ERMN: variants seen among roughly 807,000 people sequenced by gnomAD.
ERMN encodes the protein ermin, ERM-like protein.
Under a neutral mutation model 21.4 loss-of-function variants are expected in ERMN, and 17 were observed. That is an observed-to-expected ratio of 0.80 (90% CI 0.54 to 1.19). The LOEUF (loss-of-function observed/expected upper bound fraction) is 1.19. Among genes scored for constraint, ERMN ranks in the 50% most tolerant of loss-of-function variants. The probability of loss-of-function intolerance (pLI) is 0.00; values close to 1 mark genes in which losing one functional copy is unlikely to be tolerated. For synonymous variants in ERMN, 115 were observed against 111.9 expected, an observed-to-expected ratio of 1.03 and a Z score of -0.17; for missense variants, 348 against 331.6, an observed-to-expected ratio of 1.05 and a Z score of -0.38.
At chr2:157,324,241 C>T in intron 2 of ERMN, 1 of 229,774 alleles carries the variant, frequency 4.4e-6, no homozygotes. Context: ...CATTGCACTC[C>T]AGCCTGGGCA....
At chr2:157,324,854 T>C (rs1216696731) in intron 1 of ERMN, 92 bp from the exon 2 acceptor site, 4 of 824,842 alleles carry the variant, frequency 4.8e-6, no homozygotes, top group African/African-American at 3.5e-5. Flanking sequence ...TAGGTAGAAG[T>C]CTTTAATTTT....
At position 157,324,777 on chromosome 2, in the gene ERMN, T is replaced by A. The variant is rs758559901; in HGVS notation, c.242-15A>T. The A allele has an allele frequency of 6.5e-7, 1 of 1,542,876 alleles. No homozygotes were observed. Among genetic ancestry groups the A allele is most frequent in the African/African-American group, 1.4e-5 (1 of 72,702 alleles). ...TTCTGGGTTTTCTAGGAAAAAAATATAAAATCAGTATTTTAACATTTAAAA... is the reference window on the plus strand; with the variant it reads ...TTCTGGGTTTTCTAGGAAAAAAATAAAAAATCAGTATTTTAACATTTAAAA... On this transcript the variant is annotated splice_polypyrimidine_tract_variant and intron_variant, in intron 1 of 2. Transcript: ENST00000410096.
At chr2:157,322,250 A>G (rs201239959) in intron 2 of ERMN, among the ~76,000 whole-genome samples, 3 of 130,036 alleles carry the variant, frequency 2.3e-5, no homozygotes, top group Admixed American at 7.1e-5. Context: ...ACACACGCAC[A>G]CACACACACA....
At chr2:157,323,990 C>T (rs2105188806) in intron 2 of ERMN, 1 of 153,328 alleles carries the variant, frequency 6.5e-6, no homozygotes, top group Non-Finnish European at 1.5e-5. Context: ...TGGCTCACGC[C>T]TGTAACCCCA....
chr2:157,321,857 T>C, intron 2 of ERMN, 66 bp from the exon 3 acceptor site: 1 of 1,362,748 alleles, frequency 7.3e-7, no homozygotes, highest in Non-Finnish European at 9.9e-7. Flanking sequence ...ATTAGTCTGT[T>C]ATTCTCCAAA....
upstream of ERMN, among the ~76,000 whole-genome samples, chr2:157,326,210 ACAATGG>A (rs1345443344): frequency 9.2e-5 from 14 of 152,224 alleles, no homozygotes; most frequent in Non-Finnish European, 2.1e-4. Flanking sequence ...TTTGTAAAGG[ACAATGG>A]CATTGTTTCT....
rs762701445 is a variant in ERMN at position 157,320,238 on chromosome 2, T to A, written c.*1033A>T. On this transcript the variant is annotated 3_prime_UTR_variant, in exon 3 of 3. Transcript: ENST00000410096. The stretch of plus-strand genomic sequence containing the variant: ...GGGCTGAGGTCCAGTAAATTATATA[T>A]TCCCAACAACTATCAGAGCTCTCCC... 2 of 152,602 alleles carry A rather than the reference T, an allele frequency of 1.3e-5. No homozygotes were observed. Among genetic ancestry groups the A allele is most frequent in the African/African-American group, 2.4e-5 (1 of 41,452 alleles). The allele number at this position is 152,602 out of a possible 1,614,324, so 9.5% of individuals were successfully genotyped here. A position where few individuals can be genotyped will look rare whatever the true frequency, so the allele number is the denominator to read the frequency against.
chr2:157,326,933 C>A (rs1684081271), upstream of ERMN, among the ~76,000 whole-genome samples: 1 of 152,108 alleles, frequency 6.6e-6, no homozygotes, highest in South Asian at 2.1e-4. Flanking sequence ...GTCTGTTTCA[C>A]CAACTGCAAA....
upstream of ERMN, among the ~76,000 whole-genome samples, chr2:157,326,160 C>A (rs1684063954): frequency 6.6e-6 from 1 of 152,226 alleles, no homozygotes; most frequent in African/African-American, 2.4e-5. Context: ...ACCAGCTTAA[C>A]ATTTCCAAAC....
intron 1 of ERMN, 164 bp downstream of exon 1, chr2:157,325,238 T>C: frequency 1.0e-6 from 1 of 985,144 alleles, no homozygotes; most frequent in Non-Finnish European, 1.6e-6. Context: ...TAGACCAGCC[T>C]GGATTTCACC....
chr2:157,324,378 A>T (rs1684002877), intron 2 of ERMN: 2 of 345,094 alleles, frequency 5.8e-6, no homozygotes, highest in Admixed American at 4.9e-5. Context: ...GACACACCAA[A>T]TCAAAAAGTA....
chr2:157,326,770 A>G (rs138226265), upstream of ERMN, among the ~76,000 whole-genome samples: 49 of 152,156 alleles, frequency 3.2e-4, no homozygotes, highest in Non-Finnish European at 6.8e-4. Context: ...CAGCTTCCCT[A>G]AGTTCTGTTT....
upstream of ERMN, chr2:157,326,044 C>T (rs1310656382): frequency 1.5e-6 from 1 of 658,762 alleles, no homozygotes; most frequent in East Asian, 8.8e-5. Flanking sequence ...ATTTTTGTCC[C>T]TTTTCATAAT....
chr2:157,321,802 A>T lies in ERMN; in HGVS notation c.335-11T>A. 1 of 1,591,524 alleles carries T rather than the reference A, an allele frequency of 6.3e-7. No homozygotes were observed. Among genetic ancestry groups the T allele is most frequent in the Non-Finnish European group, 8.5e-7 (1 of 1,171,092 alleles). The stretch of plus-strand genomic sequence containing the variant: ...TCTCCCACTGATGCCCTGTAGCAAA[A>T]TCAATTGGTAGATGAGATGTGTAGA... On this transcript the variant is annotated splice_polypyrimidine_tract_variant and intron_variant, in intron 2 of 2. Transcript: ENST00000410096.
Position 157,325,575 on chromosome 2 carries a change from T to G in ERMN, c.68A>C (p.Gln23Pro). ...CNGDKPPENGQQTITKISEEL... is the reference protein window; with the variant it reads ...CNGDKPPENGPQTITKISEEL... ...CTCACTGATTTTAGTGATTGTTTGTTGACCGTTTTCAGGTGGTTTATCCCC... is the reference window on the plus strand; with the variant it reads ...CTCACTGATTTTAGTGATTGTTTGTGGACCGTTTTCAGGTGGTTTATCCCC... The change falls in exon 1 of 3, where the codon CAA becomes CCA. Residue 23 changes from glutamine (Q) to proline (P), a missense_variant. Coordinates refer to ENST00000410096, the MANE Select transcript of ERMN (RefSeq NM_020711.3). 1 of 1,614,188 alleles carries G rather than the reference T, an allele frequency of 6.2e-7. No homozygotes were observed.
chr2:157,325,786 T>G lies in ERMN; in HGVS notation c.-144A>C. 1 of 1,510,118 alleles carries G rather than the reference T, an allele frequency of 6.6e-7. No homozygotes were observed. 93.5% of individuals were successfully genotyped at this position (1,510,118 alleles called of 1,614,324 possible). A position where few individuals can be genotyped will look rare whatever the true frequency, so the allele number is the denominator to read the frequency against. On this transcript the variant is annotated 5_prime_UTR_variant, in exon 1 of 3. Coordinates refer to ENST00000410096, the MANE Select transcript of ERMN (RefSeq NM_020711.3). ...ACAAATTATTCACTTTAGTACATAA[T>G]AACAAGGTTCTTTTCCTAAAAGTAT...
At position 157,321,388 on chromosome 2, in the gene ERMN, C is replaced by A. The variant is rs1470712902; in HGVS notation, c.738G>T (p.Lys246Asn). The A allele has an allele frequency of 1.2e-6, 2 of 1,614,132 alleles. No homozygotes were observed. Among genetic ancestry groups the A allele is most frequent in the Non-Finnish European group, 1.7e-6 (2 of 1,180,002 alleles). ...AAGCATTTCTGGAGATATCACTCTT[C>A]TTCCCTAAGGTTGGCTGCTCATCAG... ...VTPDEQPTLG[K>N]KSDISRNAYS... Residue 246 changes from lysine to asparagine, a missense_variant, in exon 3 of 3, where the codon AAG (lysine) becomes AAT (asparagine). Physicochemically the swap from Lys to Asn is moderately conservative, Grantham distance 94. Coordinates refer to ENST00000410096, the MANE Select transcript of ERMN (RefSeq NM_020711.3).
chr2:157,324,525 C>G, intron 2 of ERMN, 145 bp downstream of exon 2: 2 of 659,244 alleles, frequency 3.0e-6, no homozygotes, highest in Non-Finnish European at 2.7e-6. Flanking sequence ...TTAAGACTCT[C>G]TTATCTGCCT....
At position 157,320,787 on chromosome 2, in the gene ERMN, T is replaced by G. The variant is rs1034458465; in HGVS notation, c.*484A>C. 6.5e-6 allele frequency: 1 copy of G among 153,954 alleles called. No homozygotes were observed. Among genetic ancestry groups the G allele is most frequent in the African/African-American group, 2.4e-5 (1 of 41,464 alleles). 9.5% of individuals were successfully genotyped at this position (153,954 alleles called of 1,614,324 possible). ...TGGTGATAATAGAAAAGGCACAGAA[T>G]TTTGGAAGGCTTATTGCCAGAGTCT... On this transcript the variant is annotated 3_prime_UTR_variant, in exon 3 of 3. Transcript: ENST00000410096.
Sources: gnomAD v4.1 joint callset for allele counts (sites outside exome capture counted in the v4.1 genomes callset) on GRCh38, gnomAD v4.1.1 for gene constraint, MANE v1.5 for transcripts, NCBI Gene and HGNC (gene_info 2026-07-23, HGNC 2026-07-21) for gene names.